The following ANKFN1 variants were observed in gnomAD, a reference collection of about 807,000 sequenced individuals.
ANKFN1 encodes the protein ankyrin repeat and fibronectin type-III domain-containing protein 1.
A neutral mutation model predicts 108.7 loss-of-function variants in ANKFN1; 74 were observed. The observed-to-expected ratio is 0.68, with a 90% confidence interval of 0.56 to 0.83. The LOEUF is 0.83. Ranked by LOEUF, ANKFN1 falls within the 40% of genes least tolerant of loss-of-function variation. The pLI, the probability that ANKFN1 is intolerant of heterozygous loss-of-function variation, is 0.00. For synonymous variants in ANKFN1, 547 were observed against 516.2 expected (o/e 1.06, Z -0.81); for missense variants, 1,505 against 1,382.3 (o/e 1.09, Z -1.41).
chr17:56,084,499 G>T (rs1905284480), intron 4 of ANKFN1, among the ~76,000 whole-genome samples: 1 of 151,356 alleles, frequency 6.6e-6, no homozygotes, highest in South Asian at 2.1e-4. Flanking sequence ...GGCCCTCTTA[G>T]TTCTGAGGTG....
intron 3 of ANKFN1, among the ~76,000 whole-genome samples, chr17:56,310,447 C>G (rs1598389619): frequency 6.6e-6 from 1 of 152,016 alleles, no homozygotes; most frequent in East Asian, 1.9e-4. Context: ...GAAACCCCAT[C>G]TCCACTAAAA....
chr17:56,228,816 G>A (rs913711589), intron 3 of ANKFN1, among the ~76,000 whole-genome samples: 3 of 152,012 alleles, frequency 2.0e-5, no homozygotes, highest in African/African-American at 7.2e-5. Context: ...CCCTCATGGA[G>A]GATACATCAA....
intron 1 of ANKFN1, among the ~76,000 whole-genome samples, chr17:56,190,373 C>T (rs1291722574): frequency 1.8e-5 from 2 of 110,962 alleles, no homozygotes; most frequent in African/African-American, 7.4e-5. Flanking sequence ...TCCCTCTACA[C>T]ACTGCTTTGA....
At chr17:56,200,621 C>G (rs1490320736) in intron 1 of ANKFN1, among the ~76,000 whole-genome samples, 1 of 152,222 alleles carries the variant, frequency 6.6e-6, no homozygotes, top group Non-Finnish European at 1.5e-5. Context: ...TTAAGGAACT[C>G]TGTAGAACAT....
intron 20 of ANKFN1, among the ~76,000 whole-genome samples, chr17:56,504,263 T>C (rs1421664970): frequency 6.6e-6 from 1 of 152,220 alleles, no homozygotes; most frequent in African/African-American, 2.4e-5. Flanking sequence ...CAAGCTCTTT[T>C]GTATCTCCTT....
intron 3 of ANKFN1, among the ~76,000 whole-genome samples, chr17:56,319,083 C>T (rs185279001): frequency 6.6e-5 from 10 of 152,086 alleles, no homozygotes; most frequent in Non-Finnish European, 1.2e-4. Flanking sequence ...AAAACATAGA[C>T]AAAGGAGGAA....
intron 4 of ANKFN1, among the ~76,000 whole-genome samples, chr17:56,125,704 T>C (rs765786702): frequency 2.6e-5 from 4 of 152,274 alleles, no homozygotes; most frequent in Non-Finnish European, 5.9e-5. Flanking sequence ...GATCGTTCGG[T>C]AATAAAGTTA....
chr17:56,202,616 T>C (rs1349522448), intron 1 of ANKFN1, among the ~76,000 whole-genome samples: 1 of 152,190 alleles, frequency 6.6e-6, no homozygotes, highest in Non-Finnish European at 1.5e-5. Flanking sequence ...CACCTATTCA[T>C]CTTTTGGGGA....
At chr17:56,337,358 C>T (rs2045840416) in intron 4 of ANKFN1, among the ~76,000 whole-genome samples, 1 of 152,080 alleles carries the variant, frequency 6.6e-6, no homozygotes, top group African/African-American at 2.4e-5. Flanking sequence ...GAGTCTAAGT[C>T]TCTTTGTAGG....
chr17:56,181,495 G>A (rs1911673376), intron 1 of ANKFN1, among the ~76,000 whole-genome samples: 1 of 152,180 alleles, frequency 6.6e-6, no homozygotes, highest in African/African-American at 2.4e-5. Context: ...GAAAGATGAA[G>A]TGACTAACCT....
At chr17:56,411,969 G>A (rs2048105905) in intron 8 of ANKFN1, among the ~76,000 whole-genome samples, 1 of 151,992 alleles carries the variant, frequency 6.6e-6, no homozygotes, top group Non-Finnish European at 1.5e-5. Flanking sequence ...GTTATTCCTT[G>A]GCTTTGGTAT....
At chr17:56,314,206 G>C (rs2045129848) in intron 3 of ANKFN1, among the ~76,000 whole-genome samples, 1 of 152,138 alleles carries the variant, frequency 6.6e-6, no homozygotes, top group African/African-American at 2.4e-5. Context: ...CTATTTCCAG[G>C]TTGGCTGTTT....
rs185980344 is a variant in ANKFN1, at chr17:56,511,516, C to A, written c.*247C>A. 6.2e-6 allele frequency: 3 copies of A among 480,134 alleles called. No individual in the cohort carries two copies. In the Admixed American group the frequency reaches 1.1e-4, roughly 18 times the overall value. 29.7% of individuals were successfully genotyped at this position (480,134 alleles called of 1,614,324 possible). A position where few individuals can be genotyped will look rare whatever the true frequency, so the allele number is the denominator to read the frequency against. ...GGAGTTGTGTCAACATGGAATACGA[C>A]ATACAGTGACTCAAACATGCCACCC... On this transcript the variant is annotated 3_prime_UTR_variant, in exon 21 of 21. Coordinates refer to ENST00000682825, the MANE Select transcript of ANKFN1 (RefSeq NM_001370326.1).
At chr17:56,285,506 T>G (rs2044191152) in intron 3 of ANKFN1, among the ~76,000 whole-genome samples, 1 of 152,208 alleles carries the variant, frequency 6.6e-6, no homozygotes, top group Non-Finnish European at 1.5e-5. Flanking sequence ...AGAAAATGGA[T>G]GTAGATGCAA....
rs1197062209 is a variant in ANKFN1, at chr17:56,511,356, C to T, written c.*87C>T. On this transcript the variant is annotated 3_prime_UTR_variant, in exon 21 of 21. Coordinates refer to ENST00000682825, the MANE Select transcript of ANKFN1 (RefSeq NM_001370326.1). ...CCCCCATCCTGCCCCACTGTGTACC[C>T]ACTCATTTTCAAGCGTTTTGAATGT... 8.7e-6 allele frequency: 11 copies of T among 1,266,380 alleles called. No homozygotes were observed. Among genetic ancestry groups the T allele is most frequent in the African/African-American group, 1.5e-5 (1 of 66,288 alleles). 78.4% of individuals were successfully genotyped at this position (1,266,380 alleles called of 1,614,324 possible). A position where few individuals can be genotyped will look rare whatever the true frequency, so the allele number is the denominator to read the frequency against.
rs1434834515 is a variant in ANKFN1 at position 56,515,965 on chromosome 17, C to T, written c.*4696C>T. ...TAAATATTATCATAGGGTCTTTCTC[C>T]TACAGATTTTTTTTTATTTTAGCAA... is the stretch of plus-strand genomic sequence containing the variant. On this transcript the variant is annotated 3_prime_UTR_variant, in exon 21 of 21. Transcript: ENST00000682825. Among the ~76,000 whole-genome samples the T allele has an allele frequency of 6.6e-6, 1 of 152,140 alleles. No homozygotes were observed. The highest frequency in any genetic ancestry group is 2.4e-5 in the African/African-American group (1 of 41,424).
At chr17:56,048,008 T>A (rs1319623724) in intron 4 of ANKFN1, among the ~76,000 whole-genome samples, 1 of 152,266 alleles carries the variant, frequency 6.6e-6, no homozygotes, top group Non-Finnish European at 1.5e-5. Context: ...ACCTCTGATT[T>A]TTCCCTGTGC....
intron 4 of ANKFN1, among the ~76,000 whole-genome samples, chr17:56,062,559 C>CTTTTTTTTTTTTTTTTTTTTTTTT (rs3085080): frequency 3.0e-5 from 4 of 134,512 alleles, no homozygotes; most frequent in African/African-American, 1.2e-4. Flanking sequence ...GTAATCTCTG[C>CTTTTTTTTTTTTTTTTTTTTTTTT]TTTTTTTTTT....
At chr17:56,255,716 C>T (rs2043341753) in intron 3 of ANKFN1, among the ~76,000 whole-genome samples, 1 of 152,304 alleles carries the variant, frequency 6.6e-6, no homozygotes, top group East Asian at 1.9e-4. Context: ...ATATATCGCA[C>T]AGCATTTACA....
Sources: allele counts gnomAD v4.1 joint callset (sites outside exome capture counted in the v4.1 genomes callset), GRCh38; gene constraint gnomAD v4.1.1; transcripts MANE v1.5; gene names NCBI Gene and HGNC (gene_info 2026-07-23, HGNC 2026-07-21).